KCNT2: variants seen among roughly 807,000 people sequenced by gnomAD.
KCNT2 encodes the protein potassium sodium-activated channel subfamily T member 2, also known as potassium channel subfamily T member 2.
KCNT2 carries 67 observed loss-of-function variants against 153.8 expected under a neutral mutation model. The observed-to-expected ratio is 0.44, with a 90% CI of 0.36 to 0.53. KCNT2 has a LOEUF of 0.53. Among genes scored for constraint, KCNT2 ranks in the 20% least tolerant of loss-of-function variants. KCNT2 has a pLI of 0.00. For missense variants in KCNT2, 975 were observed against 1,354.8 expected (o/e 0.72, Z 4.40); for synonymous variants, 500 against 458.8 (o/e 1.09, Z -1.15).
chr1:196,391,522 C>T (rs6695890), intron 13 of KCNT2, among the ~76,000 whole-genome samples: 6,865 of 151,150 alleles, frequency 0.045, 526 homozygotes, highest in African/African-American at 0.16. Flanking sequence ...TGAAAATATA[C>T]AACTATAAAA....
At chr1:196,376,682 A>C (rs1271704154) in intron 13 of KCNT2, among the ~76,000 whole-genome samples, 3 of 151,982 alleles carry the variant, frequency 2.0e-5, no homozygotes, top group African/African-American at 7.2e-5. Flanking sequence ...CACTCTTGAC[A>C]CATTCAACTA....
At chr1:196,446,488 A>C (rs989257515) in intron 8 of KCNT2, among the ~76,000 whole-genome samples, 2 of 151,400 alleles carry the variant, frequency 1.3e-5, no homozygotes, top group Non-Finnish European at 3.0e-5. Flanking sequence ...AAGAAGCAGC[A>C]TCTTAGGGCA....
At chr1:196,493,600 G>A (rs1357667867) in intron 1 of KCNT2, among the ~76,000 whole-genome samples, 2 of 151,838 alleles carry the variant, frequency 1.3e-5, no homozygotes, top group African/African-American at 4.8e-5. Flanking sequence ...TGTGCAGAAC[G>A]TGCAGGTTTG....
chr1:196,281,130 A>C, intron 24 of KCNT2, 142 bp from the exon 25 acceptor site: 3 of 625,224 alleles, frequency 4.8e-6, no homozygotes, highest in Non-Finnish European at 8.3e-6. Flanking sequence ...CGGTGCAACC[A>C]TGGCTCACTG....
At chr1:196,509,835 A>C (rs1001997469) in intron 1 of KCNT2, among the ~76,000 whole-genome samples, 2 of 152,194 alleles carry the variant, frequency 1.3e-5, no homozygotes, top group Non-Finnish European at 2.9e-5. Context: ...ACTAAACTAA[A>C]TCTGAACTTC....
intron 8 of KCNT2, among the ~76,000 whole-genome samples, chr1:196,437,378 A>ATTTATATATATACACAAAT (rs1268143680): frequency 1.5e-5 from 2 of 137,696 alleles, no homozygotes; most frequent in Non-Finnish European, 3.1e-5. Flanking sequence ...ATATATTTTT[A>ATTTATATATATACACAAAT]TTTATATATA....
intron 22 of KCNT2, among the ~76,000 whole-genome samples, chr1:196,293,671 T>C (rs548009563): frequency 1.9e-4 from 29 of 149,178 alleles, no homozygotes; most frequent in African/African-American, 6.7e-4. Flanking sequence ...TCATGCTATA[T>C]GCAAAAATCA....
chr1:196,523,653 A>T (rs980886539), intron 1 of KCNT2, among the ~76,000 whole-genome samples: 1 of 152,082 alleles, frequency 6.6e-6, no homozygotes, highest in Non-Finnish European at 1.5e-5. Flanking sequence ...TTCAAGAAAA[A>T]CTTCTATTGG....
chr1:196,424,637 A>T (rs1673493242), intron 11 of KCNT2, among the ~76,000 whole-genome samples: 1 of 151,968 alleles, frequency 6.6e-6, no homozygotes, highest in African/African-American at 2.4e-5. Context: ...TTCCAATTAG[A>T]TAACACTCAT....
At chr1:196,372,804 ATG>A (rs780939732) in intron 14 of KCNT2, among the ~76,000 whole-genome samples, 54 of 152,048 alleles carry the variant, frequency 3.6e-4, no homozygotes, top group Middle Eastern at 3.4e-3. Flanking sequence ...CTTTAATTAA[ATG>A]TTTCATTTGC....
At chr1:196,353,097 G>T (rs763986617) in intron 14 of KCNT2, among the ~76,000 whole-genome samples, 1 of 151,852 alleles carries the variant, frequency 6.6e-6, no homozygotes, top group South Asian at 2.1e-4. Context: ...AAACTCACGC[G>T]CAAGAGTATG....
At chr1:196,452,429 G>T (rs1236072141) in intron 8 of KCNT2, among the ~76,000 whole-genome samples, 1 of 151,856 alleles carries the variant, frequency 6.6e-6, no homozygotes, top group African/African-American at 2.4e-5. Flanking sequence ...AGCTCACTAA[G>T]CTCCCTATTT....
At chr1:196,492,021 T>C (rs1679896091) in intron 2 of KCNT2, among the ~76,000 whole-genome samples, 1 of 152,082 alleles carries the variant, frequency 6.6e-6, no homozygotes, top group East Asian at 1.9e-4. Context: ...CTTATTAACA[T>C]GGAATTTGGA....
chr1:196,423,106 C>T lies in KCNT2; in HGVS notation c.1129G>A (p.Asp377Asn). ...DQDLLRAKMD[D>N]AEACFILSSR... ...CTGAGAATAAAACAGGCCTCAGCGT[C>T]ATCCATCCTAAATACAGATGGAAAA... Residue 377 changes from aspartate to asparagine, a missense_variant, in exon 12 of 28, where the codon GAC becomes AAC. Transcript: ENST00000294725. 9 of 1,598,996 alleles carry T rather than the reference C, an allele frequency of 5.6e-6. No individual in the cohort carries two copies. The highest frequency in any genetic ancestry group is 6.0e-6 in the Non-Finnish European group (7 of 1,169,900).
intron 8 of KCNT2, among the ~76,000 whole-genome samples, chr1:196,458,283 CTT>C (rs1476955586): frequency 6.6e-6 from 1 of 151,512 alleles, no homozygotes; most frequent in Admixed American, 6.6e-5. Context: ...TTTTGTAAGA[CTT>C]CAATATTAAT....
chr1:196,273,486 AGACT>A, intron 25 of KCNT2: 1 of 1,530,782 alleles, frequency 6.5e-7, no homozygotes. Context: ...CTATTTTTCG[AGACT>A]GACACAACGG....
chr1:196,306,558 G>C (rs1558125589), intron 21 of KCNT2, among the ~76,000 whole-genome samples: 1 of 152,116 alleles, frequency 6.6e-6, no homozygotes, highest in Admixed American at 6.5e-5. Flanking sequence ...GCTCCCTCCT[G>C]CTGGGGAGAG....
intron 1 of KCNT2, among the ~76,000 whole-genome samples, chr1:196,556,629 G>C (rs2148911071): frequency 6.6e-6 from 1 of 151,452 alleles, no homozygotes; most frequent in South Asian, 2.1e-4. Context: ...CCCACTGCTG[G>C]GTATATACCC....
At chr1:196,490,898 T>G in intron 2 of KCNT2, among the ~76,000 whole-genome samples, 1 of 151,988 alleles carries the variant, frequency 6.6e-6, no homozygotes. Flanking sequence ...GAAATGTCAC[T>G]TTTTTTGTCC....
Sources: gnomAD v4.1 joint callset for allele counts (sites outside exome capture counted in the v4.1 genomes callset) on GRCh38, gnomAD v4.1.1 for gene constraint, MANE v1.5 for transcripts, NCBI Gene and HGNC (gene_info 2026-07-23, HGNC 2026-07-21) for gene names.